Variants in PXDNL observed in about 807,000 individuals in gnomAD.
PXDNL encodes the protein probable oxidoreductase PXDNL.
PXDNL carries 145 observed loss-of-function variants against 150.8 expected under a neutral mutation model. That is an observed-to-expected ratio of 0.96 (90% CI 0.84 to 1.10). The LOEUF (loss-of-function observed/expected upper bound fraction) is 1.10, where lower values mean the gene tolerates loss of function less well. Ranked by LOEUF, PXDNL falls within the 50% of genes least tolerant of loss-of-function variation. PXDNL has a pLI of 0.00. For synonymous variants in PXDNL, 757 were observed against 725.7 expected (o/e 1.04, Z -0.69); for missense variants, 2,087 against 1,873.9 (o/e 1.11, Z -2.10).
chr8:51,654,488 A>T lies in PXDNL; in HGVS notation c.236+201T>A, dbSNP rs569998977. On this transcript the variant is annotated intron_variant, in intron 2 of 22. Transcript: ENST00000356297. ...AATAGAATACAAATAAATTGGATAA[A>T]TAAGAATCTCTTCCATGTTCAAAAG... 2.2e-4 allele frequency among the ~76,000 whole-genome samples: 34 copies of T among 152,336 alleles called. No homozygotes were observed. The South Asian group carries it at 7.0e-3, about 32-fold the overall frequency.
At chr8:51,558,615 T>C (rs1812646099) in intron 3 of PXDNL, among the ~76,000 whole-genome samples, 1 of 152,058 alleles carries the variant, frequency 6.6e-6, no homozygotes, top group Non-Finnish European at 1.5e-5. Context: ...GTTTCAAAAC[T>C]TAAAACTAAA....
intron 3 of PXDNL, among the ~76,000 whole-genome samples, chr8:51,558,842 A>G (rs1446294764): frequency 6.6e-6 from 1 of 152,128 alleles, no homozygotes; most frequent in Non-Finnish European, 1.5e-5. Flanking sequence ...TGCTCGCTGA[A>G]GAGTAACAGA....
chr8:51,680,838 G>A (rs1329002983), intron 1 of PXDNL, among the ~76,000 whole-genome samples: 1 of 152,180 alleles, frequency 6.6e-6, no homozygotes, highest in Non-Finnish European at 1.5e-5. Context: ...ATGTGATTAA[G>A]GGAATTAATG....
At chr8:51,532,494 C>T (rs1811927225) in intron 4 of PXDNL, among the ~76,000 whole-genome samples, 1 of 152,218 alleles carries the variant, frequency 6.6e-6, no homozygotes, top group Admixed American at 6.5e-5. Flanking sequence ...GGATGCCTGA[C>T]ACCAGTGTGT....
At chr8:51,411,845 C>G (rs1487476079) in intron 15 of PXDNL, among the ~76,000 whole-genome samples, 2 of 152,152 alleles carry the variant, frequency 1.3e-5, no homozygotes, top group South Asian at 4.1e-4. Flanking sequence ...TAGAATCCTC[C>G]TCAGGCCTCA....
chr8:51,673,340 T>A (rs1419854659), intron 1 of PXDNL, among the ~76,000 whole-genome samples: 1 of 152,222 alleles, frequency 6.6e-6, no homozygotes, highest in East Asian at 1.9e-4. Context: ...TGACTCTTGC[T>A]GCAGGGTAGA....
intron 3 of PXDNL, among the ~76,000 whole-genome samples, chr8:51,581,803 T>G (rs1383533083): frequency 6.6e-6 from 1 of 152,180 alleles, no homozygotes; most frequent in Non-Finnish European, 1.5e-5. Flanking sequence ...GCATTAGTCC[T>G]TGAAATGTTT....
At chr8:51,525,896 C>T (rs936251733) in intron 4 of PXDNL, among the ~76,000 whole-genome samples, 4 of 152,260 alleles carry the variant, frequency 2.6e-5, no homozygotes, top group East Asian at 1.9e-4. Context: ...ACTGGTTGAA[C>T]GGAGTTGTGG....
chr8:51,518,824 C>A (rs954274026), intron 4 of PXDNL, among the ~76,000 whole-genome samples: 12 of 151,336 alleles, frequency 7.9e-5, no homozygotes. Flanking sequence ...AGAATGGGCT[C>A]GATAGGAGAA....
chr8:51,486,769 TATATATATATATATATATA>T lies in PXDNL; in HGVS notation c.453-3074_453-3056del, dbSNP rs1563433389. On this transcript the variant is annotated intron_variant, in intron 5 of 22. Coordinates refer to ENST00000356297, the MANE Select transcript of PXDNL (RefSeq NM_144651.5). The stretch of plus-strand genomic sequence containing the variant: ...AAAAGTTTATATATATATATATATA[TATATATATATATATATATA>T]TATATATTTTTTTTTTTTTTTTTTT... 3.6e-3 allele frequency among the ~76,000 whole-genome samples: 30 copies of T among 8,338 alleles called. 1 individual carries two copies. The highest frequency in any genetic ancestry group is 6.2e-3 in the African/African-American group (25 of 4,008). 5.5% of individuals were successfully genotyped at this position (8,338 alleles called of 152,430 possible). A position where few individuals can be genotyped will look rare whatever the true frequency, so the allele number is the denominator to read the frequency against.
At chr8:51,739,784 G>A (rs140203559) in intron 1 of PXDNL, among the ~76,000 whole-genome samples, 20 of 150,606 alleles carry the variant, frequency 1.3e-4, no homozygotes, top group Middle Eastern at 3.4e-3. Flanking sequence ...GCTGAGGCAG[G>A]AGAATGGCGT....
At chr8:51,737,059 T>C (rs1019513100) in intron 1 of PXDNL, among the ~76,000 whole-genome samples, 3 of 152,240 alleles carry the variant, frequency 2.0e-5, no homozygotes, top group Non-Finnish European at 4.4e-5. Context: ...GATTGTTTTT[T>C]CATTCCCACA....
chr8:51,434,613 T>C (rs1434863616), intron 12 of PXDNL, among the ~76,000 whole-genome samples: 5 of 152,206 alleles, frequency 3.3e-5, no homozygotes, highest in South Asian at 2.1e-4. Context: ...GGTTCCAGAA[T>C]GTTTGCTAAT....
chr8:51,348,568 ATT>A (rs1308660584), intron 19 of PXDNL, among the ~76,000 whole-genome samples: 1 of 152,206 alleles, frequency 6.6e-6, no homozygotes, highest in African/African-American at 2.4e-5. Context: ...TTACATTTAC[ATT>A]TAAATGCAAT....
chr8:51,447,561 T>C (rs1382659160), intron 11 of PXDNL, among the ~76,000 whole-genome samples: 1 of 152,240 alleles, frequency 6.6e-6, no homozygotes. Context: ...ATAACGTGAT[T>C]AAAATACATT....
intron 21 of PXDNL, among the ~76,000 whole-genome samples, chr8:51,339,106 C>T (rs1237073038): frequency 1.3e-5 from 2 of 152,200 alleles, no homozygotes; most frequent in African/African-American, 2.4e-5. Context: ...AAGGATGAAG[C>T]TCTCTGCCTG....
chr8:51,748,472 G>C, intron 1 of PXDNL, among the ~76,000 whole-genome samples: 1 of 152,160 alleles, frequency 6.6e-6, no homozygotes, highest in Non-Finnish European at 1.5e-5. Context: ...CAGAAAGGCA[G>C]GTGGGGTGGC....
chr8:51,422,070 C>T (rs143982571), intron 14 of PXDNL, among the ~76,000 whole-genome samples: 1 of 152,182 alleles, frequency 6.6e-6, no homozygotes, highest in East Asian at 1.9e-4. Flanking sequence ...CTATTGTGAA[C>T]TGCACATGTG....
chr8:51,803,319 C>T (rs769274105), intron 1 of PXDNL, among the ~76,000 whole-genome samples: 2 of 152,156 alleles, frequency 1.3e-5, no homozygotes, highest in Non-Finnish European at 2.9e-5. Context: ...AAAACCTTTC[C>T]ATTTCTCAGC....
Sources: allele counts gnomAD v4.1 joint callset (sites outside exome capture counted in the v4.1 genomes callset), GRCh38; gene constraint gnomAD v4.1.1; transcripts MANE v1.5; gene names NCBI Gene and HGNC (gene_info 2026-07-23, HGNC 2026-07-21).